OPHN1: variants seen among roughly 807,000 people sequenced by gnomAD.
The protein encoded by OPHN1 is oligophrenin 1.
Under a neutral mutation model 60.7 loss-of-function variants are expected in OPHN1, and 11 were observed. The observed-to-expected ratio is 0.18, with a 90% CI of 0.11 to 0.30. The LOEUF (loss-of-function observed/expected upper bound fraction) is 0.30. Among genes scored for constraint, OPHN1 ranks in the 10% least tolerant of loss-of-function variants. The pLI, the probability that OPHN1 is intolerant of heterozygous loss-of-function variation, is 1.00. For missense variants in OPHN1, 449 were observed against 611.0 expected (o/e 0.73, Z 2.80); for synonymous variants, 226 against 222.6 (o/e 1.02, Z -0.14).
chrX:68,090,289 T>C (rs1174987523), intron 19 of OPHN1, among the ~76,000 whole-genome samples: 1 of 107,201 alleles, frequency 9.3e-6, no homozygotes, highest in Non-Finnish European at 2.0e-5. Context: ...TAGGTAGATA[T>C]AGAGATACAT....
chrX:68,085,981 C>T (rs1279971507), intron 19 of OPHN1, among the ~76,000 whole-genome samples: 1 of 110,708 alleles, frequency 9.0e-6, no homozygotes, highest in Non-Finnish European at 1.9e-5. Context: ...GAGTTCAAGA[C>T]GAGCTTGGCC....
chrX:68,192,758 G>C, intron 15 of OPHN1, 161 bp downstream of exon 15: 1 of 465,093 alleles, frequency 2.2e-6, no homozygotes, highest in Non-Finnish European at 3.8e-6. Flanking sequence ...AGGTACGATT[G>C]ACTCTGCCCA....
intron 2 of OPHN1, among the ~76,000 whole-genome samples, chrX:68,334,181 A>G (rs1281790514): frequency 9.0e-6 from 1 of 111,691 alleles, no homozygotes; most frequent in East Asian, 2.8e-4. Flanking sequence ...TACAGGCATG[A>G]GCCACCATGC....
intron 2 of OPHN1, among the ~76,000 whole-genome samples, chrX:68,422,190 C>A (rs911510694): frequency 9.0e-6 from 1 of 110,845 alleles, no homozygotes; most frequent in East Asian, 2.8e-4. Flanking sequence ...TCATTTCAAA[C>A]AAAAGCACCC....
intron 2 of OPHN1, among the ~76,000 whole-genome samples, chrX:68,312,231 A>C: frequency 9.7e-6 from 1 of 102,805 alleles, no homozygotes; most frequent in East Asian, 3.0e-4. Flanking sequence ...GACTACTGGC[A>C]TGTACCACTA....
chrX:68,180,923 C>T (rs1339085067), intron 15 of OPHN1, among the ~76,000 whole-genome samples: 2 of 109,196 alleles, frequency 1.8e-5, no homozygotes. Flanking sequence ...ATGACTGATA[C>T]TCTTCAAAGT....
At chrX:68,168,224 T>C (rs745428499) in intron 15 of OPHN1, among the ~76,000 whole-genome samples, 23 of 110,807 alleles carry the variant, frequency 2.1e-4, no homozygotes, top group Admixed American at 1.6e-3. Context: ...CACACCACCC[T>C]TATTCCAAAA....
intron 2 of OPHN1, among the ~76,000 whole-genome samples, chrX:68,404,849 A>G (rs905290871): frequency 8.9e-6 from 1 of 111,797 alleles, no homozygotes; most frequent in Non-Finnish European, 1.9e-5. Context: ...GATTCCACCA[A>G]TATGAAGTAA....
intron 15 of OPHN1, among the ~76,000 whole-genome samples, chrX:68,141,639 T>G (rs2077243049): frequency 9.0e-6 from 1 of 111,439 alleles, no homozygotes; most frequent in African/African-American, 3.3e-5. Flanking sequence ...TAAATAACAA[T>G]GAAGTCATAA....
chrX:68,085,386 G>C lies in OPHN1; in HGVS notation c.1686+11484C>G, dbSNP rs974588893. On this transcript the variant is annotated intron_variant, in intron 19 of 24. Coordinates refer to ENST00000355520, the MANE Select transcript of OPHN1 (RefSeq NM_002547.3). ...CCTTGTCTGACCATCTTCCATAAAG[G>C]AACAACCCACTACCTTGCTTTACTT... Among the ~76,000 whole-genome samples the C allele has an allele frequency of 3.6e-5, 4 of 111,879 alleles. No homozygotes were observed. In the East Asian group the frequency reaches 8.4e-4, roughly 24 times the overall value.
intron 5 of OPHN1, among the ~76,000 whole-genome samples, chrX:68,252,643 T>C (rs947723660): frequency 8.9e-6 from 1 of 112,142 alleles, no homozygotes; most frequent in African/African-American, 3.2e-5. Flanking sequence ...AGAATAGCAA[T>C]GATGATGATG....
At chrX:68,215,468 C>T (rs993048012) in intron 6 of OPHN1, among the ~76,000 whole-genome samples, 1 of 111,320 alleles carries the variant, frequency 9.0e-6, no homozygotes, top group Non-Finnish European at 1.9e-5. Flanking sequence ...AACCCACATC[C>T]AGAAAGCTCA....
intron 5 of OPHN1, among the ~76,000 whole-genome samples, chrX:68,245,606 A>G (rs1209533546): frequency 9.0e-6 from 1 of 111,178 alleles, no homozygotes; most frequent in Non-Finnish European, 1.9e-5. Context: ...TGTCATGTCA[A>G]TGTGGCTACC....
chrX:68,103,346 C>T (rs1448932824), intron 18 of OPHN1, among the ~76,000 whole-genome samples: 1 of 111,834 alleles, frequency 8.9e-6, no homozygotes, highest in African/African-American at 3.3e-5. Flanking sequence ...GCTAAAAACT[C>T]TCAATAAACT....
chrX:68,115,571 T>G (rs896892986), intron 16 of OPHN1, among the ~76,000 whole-genome samples: 1 of 111,616 alleles, frequency 9.0e-6, no homozygotes, highest in Non-Finnish European at 1.9e-5. Context: ...TACAAAAAGG[T>G]CAAGTAAGGT....
intron 2 of OPHN1, among the ~76,000 whole-genome samples, chrX:68,428,312 A>G (rs1022570267): frequency 7.7e-4 from 86 of 112,109 alleles, no homozygotes; most frequent in African/African-American, 2.8e-3. Context: ...ACATGGGAAC[A>G]GCTAAACAAG....
chrX:68,329,037 C>A (rs1321392765), intron 2 of OPHN1, among the ~76,000 whole-genome samples: 1 of 111,869 alleles, frequency 8.9e-6, no homozygotes, highest in Non-Finnish European at 1.9e-5. Flanking sequence ...CCTGCCTCAG[C>A]CTCCCAAGTG....
At chrX:68,062,210 G>C (rs1053102978) in intron 21 of OPHN1, among the ~76,000 whole-genome samples, 1 of 111,459 alleles carries the variant, frequency 9.0e-6, no homozygotes, top group Admixed American at 9.6e-5. Flanking sequence ...TGGGCCTCAT[G>C]TTTTCTTATC....
intron 2 of OPHN1, among the ~76,000 whole-genome samples, chrX:68,394,029 G>A (rs1168745033): frequency 9.6e-6 from 1 of 103,899 alleles, no homozygotes; most frequent in Non-Finnish European, 2.0e-5. Context: ...CCGAGTAGCT[G>A]GGACTACAGG....
Sources: allele counts gnomAD v4.1 joint callset (sites outside exome capture counted in the v4.1 genomes callset), GRCh38; gene constraint gnomAD v4.1.1; transcripts MANE v1.5; gene names NCBI Gene and HGNC (gene_info 2026-07-23, HGNC 2026-07-21).